Variants in FHIT observed in about 807,000 individuals in gnomAD.
FHIT encodes bis(5'-adenosyl)-triphosphatase.
Under a neutral mutation model 17.9 loss-of-function variants are expected in FHIT, and 19 were observed. That is an observed-to-expected ratio of 1.06 (90% confidence interval 0.74 to 1.56). FHIT has a LOEUF of 1.56. FHIT is among the 40% of genes most tolerant of loss of function. FHIT has a pLI of 0.00. For missense variants in FHIT, 248 were observed against 189.2 expected, an observed-to-expected ratio of 1.31 and a Z score of -1.82; for synonymous variants, 81 against 69.7, an observed-to-expected ratio of 1.16 and a Z score of -0.81.
intron 5 of FHIT, among the ~76,000 whole-genome samples, chr3:60,421,524 A>G (rs779058395): frequency 6.6e-6 from 1 of 152,092 alleles, no homozygotes; most frequent in Non-Finnish European, 1.5e-5. Context: ...TGAACTGAAA[A>G]CATTTTTACT....
chr3:60,940,134 G>C (rs1357176665), intron 3 of FHIT, among the ~76,000 whole-genome samples: 1 of 151,962 alleles, frequency 6.6e-6, no homozygotes, highest in Non-Finnish European at 1.5e-5. Context: ...AATTTCTACG[G>C]GATAAAGACT....
At chr3:60,380,332 C>A (rs1347592427) in intron 5 of FHIT, among the ~76,000 whole-genome samples, 6 of 152,176 alleles carry the variant, frequency 3.9e-5, no homozygotes, top group Non-Finnish European at 7.3e-5. Context: ...TCCCCTTTTG[C>A]CTTCTGCCAT....
chr3:60,228,373 G>C (rs756790260), intron 5 of FHIT, among the ~76,000 whole-genome samples: 1 of 152,042 alleles, frequency 6.6e-6, no homozygotes, highest in East Asian at 1.9e-4. Flanking sequence ...AAAATGTTCT[G>C]GAACTATTAA....
At chr3:60,016,576 C>T (rs1700353281) in intron 5 of FHIT, among the ~76,000 whole-genome samples, 1 of 152,184 alleles carries the variant, frequency 6.6e-6, no homozygotes, top group South Asian at 2.1e-4. Context: ...GAAGAGTTCA[C>T]ATTCTAATGT....
chr3:61,119,215 TGA>T (rs1319109898), intron 2 of FHIT, among the ~76,000 whole-genome samples: 11 of 151,980 alleles, frequency 7.2e-5, no homozygotes, highest in Non-Finnish European at 1.6e-4. Context: ...ATAGATACTG[TGA>T]TAGTAATTTT....
At chr3:60,897,260 A>T (rs941644889) in intron 3 of FHIT, among the ~76,000 whole-genome samples, 1 of 152,226 alleles carries the variant, frequency 6.6e-6, no homozygotes, top group Non-Finnish European at 1.5e-5. Context: ...ATATTTTCAT[A>T]TACTTAAGGA....
At chr3:60,898,206 A>G (rs974440620) in intron 3 of FHIT, among the ~76,000 whole-genome samples, 12 of 152,194 alleles carry the variant, frequency 7.9e-5, no homozygotes, top group Admixed American at 6.5e-4. Flanking sequence ...GTTGTCTGCA[A>G]AGGCATTTTA....
At chr3:60,156,993 T>C (rs1306179184) in intron 5 of FHIT, among the ~76,000 whole-genome samples, 4 of 152,110 alleles carry the variant, frequency 2.6e-5, no homozygotes, top group Admixed American at 1.3e-4. Flanking sequence ...GATTAAGATA[T>C]ATCTTTATTT....
intron 8 of FHIT, among the ~76,000 whole-genome samples, chr3:59,913,789 A>G (rs557450856): frequency 6.6e-6 from 1 of 152,196 alleles, no homozygotes. Context: ...TAAGATACTG[A>G]GATTTAAATA....
chr3:59,750,569 G>C (rs970571397), intron 9 of FHIT: 7 of 226,730 alleles, frequency 3.1e-5, no homozygotes, highest in African/African-American at 4.4e-5. Flanking sequence ...GACAGCCTCT[G>C]TTATAGCACT....
At chr3:59,920,802 G>T (rs975872328) in intron 8 of FHIT, among the ~76,000 whole-genome samples, 1 of 152,050 alleles carries the variant, frequency 6.6e-6, no homozygotes, top group African/African-American at 2.4e-5. Context: ...CTTCCAATGT[G>T]AACTAAGCCC....
chr3:60,063,111 A>T (rs1702359855), intron 5 of FHIT, among the ~76,000 whole-genome samples: 1 of 152,184 alleles, frequency 6.6e-6, no homozygotes, highest in Non-Finnish European at 1.5e-5. Context: ...CAAAACAGAC[A>T]CTTGGACAGA....
At chr3:60,813,402 G>T (rs1362529520) in intron 4 of FHIT, among the ~76,000 whole-genome samples, 1 of 151,870 alleles carries the variant, frequency 6.6e-6, no homozygotes, top group Admixed American at 6.6e-5. Flanking sequence ...CATTAGTATG[G>T]TAAAGGCACC....
intron 5 of FHIT, among the ~76,000 whole-genome samples, chr3:60,467,786 C>A (rs1168177516): frequency 6.6e-6 from 1 of 152,038 alleles, no homozygotes; most frequent in Admixed American, 6.6e-5. Context: ...GTGTACTCTG[C>A]AGCCATTGGA....
chr3:60,987,789 G>C (rs2029866065), intron 3 of FHIT, among the ~76,000 whole-genome samples: 1 of 152,092 alleles, frequency 6.6e-6, no homozygotes, highest in South Asian at 2.1e-4. Flanking sequence ...AGGCTTTCTA[G>C]GAGGTATGAT....
chr3:60,544,764 G>A (rs1268464961), intron 4 of FHIT, among the ~76,000 whole-genome samples: 3 of 151,498 alleles, frequency 2.0e-5, no homozygotes, highest in Non-Finnish European at 4.4e-5. Context: ...ACTCAGCTAA[G>A]TTTTGTATTT....
intron 8 of FHIT, among the ~76,000 whole-genome samples, chr3:59,759,391 G>A (rs561104274): frequency 6.6e-6 from 1 of 152,302 alleles, no homozygotes; most frequent in African/African-American, 2.4e-5. Context: ...AAGTTTGGGA[G>A]AGGGGGCTCA....
chr3:60,048,412 G>A (rs1042384181), intron 5 of FHIT, among the ~76,000 whole-genome samples: 5 of 152,116 alleles, frequency 3.3e-5, no homozygotes, highest in Admixed American at 1.3e-4. Flanking sequence ...TCCTGACCTC[G>A]TGATCCACCT....
chr3:60,466,613 A>G (rs1008916346), intron 5 of FHIT, among the ~76,000 whole-genome samples: 1 of 152,046 alleles, frequency 6.6e-6, no homozygotes, highest in African/African-American at 2.4e-5. Flanking sequence ...ATGCTTTTTC[A>G]GCAAAAATTG....
Sources: gnomAD v4.1 joint callset for allele counts (sites outside exome capture counted in the v4.1 genomes callset) on GRCh38, gnomAD v4.1.1 for gene constraint, MANE v1.5 for transcripts, NCBI Gene and HGNC (gene_info 2026-07-23, HGNC 2026-07-21) for gene names.